CERS6: variants seen among roughly 807,000 people sequenced by gnomAD.
The protein encoded by CERS6 is ceramide synthase 6.
CERS6 carries 26 observed loss-of-function variants against 56.8 expected under a neutral mutation model. The ratio of observed to expected loss-of-function variants is 0.46; its 90% confidence interval spans 0.34 to 0.63. The LOEUF (loss-of-function observed/expected upper bound fraction) is 0.63. Among genes scored for constraint, CERS6 ranks in the 30% least tolerant of loss-of-function variants. The probability of loss-of-function intolerance (pLI) is 0.01; values close to 1 mark genes in which losing one functional copy is unlikely to be tolerated. For missense variants in CERS6, 415 were observed against 467.5 expected, an observed-to-expected ratio of 0.89 and a Z score of 1.04; for synonymous variants, 164 against 173.3, an observed-to-expected ratio of 0.95 and a Z score of 0.42.
At chr2:168,739,265 A>T (rs1683820762) in intron 8 of CERS6, among the ~76,000 whole-genome samples, 1 of 151,918 alleles carries the variant, frequency 6.6e-6, no homozygotes, top group African/African-American at 2.4e-5. Context: ...CTAACTGAGA[A>T]AATGATATTT....
intron 1 of CERS6, among the ~76,000 whole-genome samples, chr2:168,523,995 T>C (rs1158876902): frequency 6.6e-6 from 1 of 152,214 alleles, no homozygotes; most frequent in Non-Finnish European, 1.5e-5. Context: ...GTTGCAGTGC[T>C]GGATGCTCCT....
At chr2:168,471,733 C>T (rs1310710946) in intron 1 of CERS6, among the ~76,000 whole-genome samples, 2 of 152,186 alleles carry the variant, frequency 1.3e-5, no homozygotes, top group East Asian at 1.9e-4. Flanking sequence ...AATTTCTTTC[C>T]TTTCAGATTG....
chr2:168,711,895 T>C (rs1687101570), intron 6 of CERS6, among the ~76,000 whole-genome samples: 1 of 152,188 alleles, frequency 6.6e-6, no homozygotes, highest in African/African-American at 2.4e-5. Flanking sequence ...GACCCTGGTT[T>C]TAACATTCTT....
intron 1 of CERS6, among the ~76,000 whole-genome samples, chr2:168,457,305 A>C (rs762147620): frequency 2.0e-5 from 3 of 152,234 alleles, no homozygotes; most frequent in Non-Finnish European, 4.4e-5. Flanking sequence ...TGGTGATATT[A>C]AACTGATAAC....
At chr2:168,491,351 G>A (rs945294285) in intron 1 of CERS6, among the ~76,000 whole-genome samples, 1 of 152,172 alleles carries the variant, frequency 6.6e-6, no homozygotes, top group Non-Finnish European at 1.5e-5. Flanking sequence ...TTTTTACTTT[G>A]AACTTAATCA....
At chr2:168,459,720 ATG>A (rs1693745035) in intron 1 of CERS6, among the ~76,000 whole-genome samples, 1 of 152,210 alleles carries the variant, frequency 6.6e-6, no homozygotes, top group South Asian at 2.1e-4. Flanking sequence ...AAAGAACAAA[ATG>A]TTATTTATTA....
At chr2:168,713,125 G>C (rs546486380) in intron 6 of CERS6, among the ~76,000 whole-genome samples, 44 of 152,014 alleles carry the variant, frequency 2.9e-4, no homozygotes, top group Non-Finnish European at 6.0e-4. Flanking sequence ...GCCTAGAACT[G>C]TCTAGAGCAT....
intron 4 of CERS6, among the ~76,000 whole-genome samples, chr2:168,653,203 G>T (rs1327199493): frequency 6.6e-6 from 1 of 152,192 alleles, no homozygotes; most frequent in Admixed American, 6.5e-5. Flanking sequence ...AGAATATGCT[G>T]ACTTTGTGTT....
chr2:168,597,794 G>A (rs1328786568), intron 3 of CERS6, among the ~76,000 whole-genome samples: 1 of 152,128 alleles, frequency 6.6e-6, no homozygotes, highest in Non-Finnish European at 1.5e-5. Context: ...GCCTGTATTT[G>A]CACCTTTGAC....
At chr2:168,628,191 T>C (rs542316022) in intron 3 of CERS6, among the ~76,000 whole-genome samples, 9 of 152,316 alleles carry the variant, frequency 5.9e-5, no homozygotes, top group Admixed American at 2.0e-4. Context: ...CCGTTTTCTT[T>C]CCACATTTAT....
chr2:168,691,178 A>T (rs2105361244), intron 5 of CERS6, 94 bp downstream of exon 5: 1 of 1,150,422 alleles, frequency 8.7e-7, no homozygotes, highest in Non-Finnish European at 1.3e-6. Context: ...AGGTTGGACA[A>T]CCACCTTCAT....
At chr2:168,577,691 AG>A (rs1261254584) in intron 3 of CERS6, among the ~76,000 whole-genome samples, 1 of 152,160 alleles carries the variant, frequency 6.6e-6, no homozygotes, top group Non-Finnish European at 1.5e-5. Flanking sequence ...ACAGGAGGGA[AG>A]TCCAGACAGG....
chr2:168,511,110 A>G (rs1369828231), intron 1 of CERS6, among the ~76,000 whole-genome samples: 1 of 152,110 alleles, frequency 6.6e-6, no homozygotes, highest in East Asian at 1.9e-4. Context: ...TCCTGTCCCA[A>G]TCTGGAGTAA....
At chr2:168,574,641 C>T (rs1017454585) in intron 3 of CERS6, among the ~76,000 whole-genome samples, 5 of 152,068 alleles carry the variant, frequency 3.3e-5, no homozygotes, top group East Asian at 3.9e-4. Context: ...AAAGCACCTA[C>T]GATATTGCCA....
At chr2:168,492,569 G>A (rs949816651) in intron 1 of CERS6, among the ~76,000 whole-genome samples, 1 of 152,154 alleles carries the variant, frequency 6.6e-6, no homozygotes, top group Non-Finnish European at 1.5e-5. Context: ...TAGGTTGCCT[G>A]TTTACTCTGA....
chr2:168,680,728 G>A (rs967915818), intron 4 of CERS6, among the ~76,000 whole-genome samples: 4 of 152,208 alleles, frequency 2.6e-5, no homozygotes, highest in African/African-American at 9.7e-5. Flanking sequence ...CCTTTGGGTA[G>A]CTTGCCCTTC....
chr2:168,631,598 TAAATATATAA>T (rs1684731669), intron 4 of CERS6, among the ~76,000 whole-genome samples: 1 of 118,578 alleles, frequency 8.4e-6, no homozygotes, highest in Non-Finnish European at 1.6e-5. Context: ...ATTTATATAT[TAAATATATAA>T]TATATTTAAT....
chr2:168,526,053 G>A (rs183075138), intron 1 of CERS6, among the ~76,000 whole-genome samples: 185 of 152,128 alleles, frequency 1.2e-3, no homozygotes, highest in African/African-American at 4.1e-3. Flanking sequence ...GGCTATTTAA[G>A]GATTACAATA....
intron 4 of CERS6, among the ~76,000 whole-genome samples, chr2:168,666,948 A>G (rs969084206): frequency 6.6e-6 from 1 of 152,194 alleles, no homozygotes; most frequent in African/African-American, 2.4e-5. Context: ...TTGTGTTTAT[A>G]TTGTGCTATA....
Sources: allele counts gnomAD v4.1 joint callset (sites outside exome capture counted in the v4.1 genomes callset), GRCh38; gene constraint gnomAD v4.1.1; transcripts MANE v1.5; gene names NCBI Gene and HGNC (gene_info 2026-07-23, HGNC 2026-07-21).